CSGALNACT1: variants seen among roughly 807,000 people sequenced by gnomAD.
CSGALNACT1 encodes the protein chondroitin sulfate N-acetylgalactosaminyltransferase 1.
In CSGALNACT1, 52 loss-of-function variants were observed where a neutral mutation model predicts 51.0. The ratio of observed to expected loss-of-function variants is 1.02; its 90% CI spans 0.82 to 1.29. The LOEUF (loss-of-function observed/expected upper bound fraction) is 1.29. Among genes scored for constraint, CSGALNACT1 ranks in the 50% most tolerant of loss-of-function variants. The pLI is 0.00. For missense variants in CSGALNACT1, 935 were observed against 679.2 expected (o/e 1.38, Z -4.19); for synonymous variants, 341 against 254.4 (o/e 1.34, Z -3.24).
At chr8:19,618,870 T>A (rs1004958106) in intron 1 of CSGALNACT1, among the ~76,000 whole-genome samples, 1 of 152,024 alleles carries the variant, frequency 6.6e-6, no homozygotes, top group African/African-American at 2.4e-5. Flanking sequence ...ATCACCATCA[T>A]CCATTTTCTT....
exon 4 of CSGALNACT1, chr8:19,505,866 G>A: frequency 1.2e-6 from 2 of 1,603,836 alleles, no homozygotes; most frequent in Non-Finnish European, 1.7e-6. Context: ...AGAACCGGTG[G>A]CATCCCTCAA....
At chr8:19,455,190 T>C (rs1563486856) in intron 5 of CSGALNACT1, among the ~76,000 whole-genome samples, 1 of 152,228 alleles carries the variant, frequency 6.6e-6, no homozygotes, top group Non-Finnish European at 1.5e-5. Context: ...AATAGCCAAG[T>C]ATTACCTTTT....
At chr8:19,477,380 G>C (rs185585865) in intron 4 of CSGALNACT1, among the ~76,000 whole-genome samples, 1 of 152,180 alleles carries the variant, frequency 6.6e-6, no homozygotes, top group Non-Finnish European at 1.5e-5. Context: ...CCACACAACT[G>C]AGCACGGCTA....
intron 3 of CSGALNACT1, among the ~76,000 whole-genome samples, chr8:19,560,989 A>T (rs935761400): frequency 1.3e-5 from 2 of 152,256 alleles, no homozygotes; most frequent in African/African-American, 2.4e-5. Context: ...ACACAGCAGA[A>T]TAAATGCATC....
intron 3 of CSGALNACT1, among the ~76,000 whole-genome samples, chr8:19,547,077 G>T (rs763215276): frequency 6.6e-6 from 1 of 152,130 alleles, no homozygotes; most frequent in South Asian, 2.1e-4. Flanking sequence ...CTATACCCAA[G>T]AATATAACAA....
At chr8:19,728,278 G>C (rs1326734963) in intron 1 of CSGALNACT1, among the ~76,000 whole-genome samples, 1 of 152,154 alleles carries the variant, frequency 6.6e-6, no homozygotes, top group African/African-American at 2.4e-5. Flanking sequence ...AAAAGAAGTA[G>C]GCTCATTTTT....
At chr8:19,508,550 A>T (rs941862211) in intron 3 of CSGALNACT1, among the ~76,000 whole-genome samples, 1 of 152,222 alleles carries the variant, frequency 6.6e-6, no homozygotes, top group Non-Finnish European at 1.5e-5. Flanking sequence ...TTTGGTGTTC[A>T]GGCACCTTGC....
chr8:19,431,140 T>G (rs927225739), intron 6 of CSGALNACT1, among the ~76,000 whole-genome samples: 3 of 152,168 alleles, frequency 2.0e-5, no homozygotes, highest in African/African-American at 7.2e-5. Context: ...CTTTTTCCTT[T>G]CCAATCTGGA....
At chr8:19,671,332 T>G (rs2059782201) in intron 1 of CSGALNACT1, among the ~76,000 whole-genome samples, 1 of 152,200 alleles carries the variant, frequency 6.6e-6, no homozygotes, top group African/African-American at 2.4e-5. Flanking sequence ...CCATTCCCTA[T>G]GGATGAACTA....
chr8:19,448,104 T>G (rs2062454574), intron 5 of CSGALNACT1, among the ~76,000 whole-genome samples: 1 of 152,100 alleles, frequency 6.6e-6, no homozygotes, highest in African/African-American at 2.4e-5. Context: ...CATGTGTGAG[T>G]TATCACTGAG....
chr8:19,733,667 G>C (rs912616760), intron 1 of CSGALNACT1, among the ~76,000 whole-genome samples: 1 of 152,142 alleles, frequency 6.6e-6, no homozygotes, highest in Non-Finnish European at 1.5e-5. Flanking sequence ...AAGAATGCCC[G>C]TGCTAAATTA....
intron 3 of CSGALNACT1, among the ~76,000 whole-genome samples, chr8:19,577,994 A>G (rs1183061177): frequency 6.6e-6 from 1 of 152,184 alleles, no homozygotes; most frequent in Non-Finnish European, 1.5e-5. Flanking sequence ...CCATAGGTGT[A>G]GCCACACTGA....
intron 4 of CSGALNACT1, among the ~76,000 whole-genome samples, chr8:19,465,958 G>A (rs1452339437): frequency 6.6e-6 from 1 of 152,290 alleles, no homozygotes; most frequent in East Asian, 1.9e-4. Context: ...CAAGAAGTCA[G>A]AATAAACAAG....
chr8:19,405,548 T>C (rs1434851077), exon 10 of CSGALNACT1: 1 of 676,042 alleles, frequency 1.5e-6, no homozygotes, highest in Admixed American at 2.0e-5. Flanking sequence ...ACAAGCATTC[T>C]GCCTTTGTCA....
intron 1 of CSGALNACT1, among the ~76,000 whole-genome samples, chr8:19,618,883 A>C (rs1477476159): frequency 6.6e-6 from 1 of 152,044 alleles, no homozygotes; most frequent in East Asian, 1.9e-4. Context: ...ATTTTCTTCC[A>C]CACTGAATTC....
chr8:19,611,307 T>C (rs7009373), intron 1 of CSGALNACT1, among the ~76,000 whole-genome samples: 3,449 of 152,294 alleles, frequency 0.023, 139 homozygotes, highest in African/African-American at 0.078. Flanking sequence ...CTTATTTCCT[T>C]AAGATTTTTT....
chr8:19,453,515 T>C (rs921572376), intron 5 of CSGALNACT1, among the ~76,000 whole-genome samples: 2 of 152,042 alleles, frequency 1.3e-5, no homozygotes, highest in Non-Finnish European at 2.9e-5. Context: ...GAGAATCCAA[T>C]AAATGAAGCA....
intron 1 of CSGALNACT1, among the ~76,000 whole-genome samples, chr8:19,679,717 A>T (rs2060456288): frequency 6.6e-6 from 1 of 152,192 alleles, no homozygotes; most frequent in South Asian, 2.1e-4. Context: ...AGCTACCCAC[A>T]AACAGGTGCT....
At chr8:19,590,436 G>A (rs573301600) in intron 3 of CSGALNACT1, among the ~76,000 whole-genome samples, 69 of 152,264 alleles carry the variant, frequency 4.5e-4, no homozygotes, top group African/African-American at 1.3e-3. Context: ...TGTAATGAAT[G>A]CAATTGCTGC....
Sources: gnomAD v4.1 joint callset for allele counts (sites outside exome capture counted in the v4.1 genomes callset) on GRCh38, gnomAD v4.1.1 for gene constraint, MANE v1.5 for transcripts, NCBI Gene and HGNC (gene_info 2026-07-23, HGNC 2026-07-21) for gene names.